The following CNTNAP3B variants were observed in gnomAD, a reference collection of about 807,000 sequenced individuals.
CNTNAP3B encodes contactin-associated protein-like 3B.
In CNTNAP3B, 25 loss-of-function variants were observed where a neutral mutation model predicts 108.9. The ratio of observed to expected loss-of-function variants is 0.23; its 90% CI spans 0.17 to 0.32. The LOEUF is 0.32. Among genes scored for constraint, CNTNAP3B ranks in the 10% least tolerant of loss-of-function variants. The pLI, the probability that CNTNAP3B is intolerant of heterozygous loss-of-function variation, is 1.00. For missense variants in CNTNAP3B, 252 were observed against 1,210.4 expected (o/e 0.21, Z 11.75); for synonymous variants, 103 against 473.4 (o/e 0.22, Z 10.16).
At chr9:41,940,070 C>A (rs1276750492) in intron 13 of CNTNAP3B, among the ~76,000 whole-genome samples, 5 of 152,290 alleles carry the variant, frequency 3.3e-5, no homozygotes, top group African/African-American at 9.6e-5. Flanking sequence ...CTTTATCTAA[C>A]CTGACCAAAA....
chr9:41,948,386 C>T (rs1370437489), intron 13 of CNTNAP3B, among the ~76,000 whole-genome samples: 1 of 152,238 alleles, frequency 6.6e-6, no homozygotes, highest in African/African-American at 2.4e-5. Flanking sequence ...CCTGCCGGGC[C>T]TTACTGGAGA....
chr9:41,948,081 G>GTTTT (rs1824577090), intron 13 of CNTNAP3B, among the ~76,000 whole-genome samples: 1 of 151,510 alleles, frequency 6.6e-6, no homozygotes, highest in Non-Finnish European at 1.5e-5. Context: ...AATTCTTTTT[G>GTTTT]TTTTGTTTTG....
At position 42,121,747 on chromosome 9, in the gene CNTNAP3B, C is replaced by T. The variant is rs550778765; in HGVS notation, c.85+7263G>A. On this transcript the variant is annotated intron_variant, in intron 1 of 23. Transcript: ENST00000377561. The stretch of plus-strand genomic sequence containing the variant: ...ATGTTTGCTTATCTATAGGTAAGAG[C>T]TCACTATTTCTTATATCATGTTATA... Among the ~76,000 whole-genome samples the T allele has an allele frequency of 8.6e-5, 12 of 139,958 alleles. 2 individuals are homozygous for T. The highest frequency in any genetic ancestry group is 3.1e-4 in the African/African-American group (11 of 35,506). 91.8% of individuals were successfully genotyped at this position (139,958 alleles called of 152,430 possible).
At chr9:42,066,928 TAAAGG>T in intron 3 of CNTNAP3B, among the ~76,000 whole-genome samples, 1 of 146,340 alleles carries the variant, frequency 6.8e-6, no homozygotes, top group Non-Finnish European at 1.5e-5. Context: ...TGCCACAAAA[TAAAGG>T]AAACTCCAAA....
At chr9:41,934,247 C>G (rs1445304022) in intron 14 of CNTNAP3B, among the ~76,000 whole-genome samples, 1 of 134,340 alleles carries the variant, frequency 7.4e-6, no homozygotes, top group Non-Finnish European at 1.5e-5. Context: ...GAGACAGAGT[C>G]TTGGTCTGTC....
chr9:42,035,271 T>TAG, intron 3 of CNTNAP3B, among the ~76,000 whole-genome samples: 1 of 142,608 alleles, frequency 7.0e-6, no homozygotes, highest in African/African-American at 2.7e-5. Flanking sequence ...TTTACCATTT[T>TAG]ACAGATTAGC....
chr9:42,127,620 A>G lies in CNTNAP3B; in HGVS notation c.85+1390T>C, dbSNP rs1828601743. 3.6e-5 allele frequency among the ~76,000 whole-genome samples: 5 copies of G among 140,072 alleles called. 1 individual carries two copies. In the South Asian group the frequency reaches 1.1e-3, roughly 32 times the overall value. The allele number at this position is 140,072 out of a possible 152,430, so 91.9% of individuals were successfully genotyped here. On this transcript the variant is annotated intron_variant, in intron 1 of 23. Coordinates refer to ENST00000377561, the MANE Select transcript of CNTNAP3B (RefSeq NM_001201380.3). ...ACGGCAGTTTCCATTACAAGACCCA[A>G]GGATTTTAATTTAAGTAACAACGTT...
At chr9:42,111,703 G>A (rs1301257340) in intron 1 of CNTNAP3B, among the ~76,000 whole-genome samples, 1 of 138,676 alleles carries the variant, frequency 7.2e-6, no homozygotes, top group African/African-American at 2.9e-5. Flanking sequence ...TAAGTACACT[G>A]TCCTGAGCCC....
chr9:41,995,730 C>CAAAAAA (rs1167589988), intron 7 of CNTNAP3B, among the ~76,000 whole-genome samples: 2 of 66,396 alleles, frequency 3.0e-5, no homozygotes, highest in African/African-American at 7.3e-5. Context: ...GACTCCGTCT[C>CAAAAAA]AAAAAAAAAA....
At chr9:41,935,651 A>C (rs1267254713) in intron 14 of CNTNAP3B, among the ~76,000 whole-genome samples, 1 of 152,282 alleles carries the variant, frequency 6.6e-6, no homozygotes, top group East Asian at 1.9e-4. Flanking sequence ...AACAATCTAC[A>C]AGAGTTGGGT....
At chr9:41,942,776 G>A (rs1335006995) in intron 13 of CNTNAP3B, among the ~76,000 whole-genome samples, 1 of 152,132 alleles carries the variant, frequency 6.6e-6, no homozygotes, top group Non-Finnish European at 1.5e-5. Context: ...GAGTCTCTGG[G>A]AAAACTCAAA....
chr9:41,948,044 C>A (rs1438129432), intron 13 of CNTNAP3B, among the ~76,000 whole-genome samples: 2 of 143,750 alleles, frequency 1.4e-5, no homozygotes, highest in Non-Finnish European at 1.5e-5. Flanking sequence ...GAAAAAAAAT[C>A]TCTTGGCCCA....
At chr9:42,017,194 A>G (rs1826233867) in intron 3 of CNTNAP3B, among the ~76,000 whole-genome samples, 1 of 139,134 alleles carries the variant, frequency 7.2e-6, no homozygotes, top group South Asian at 2.3e-4. Flanking sequence ...AATTTCCAAC[A>G]CTGTACTTTG....
At chr9:41,947,687 C>G (rs1480804877) in intron 13 of CNTNAP3B, among the ~76,000 whole-genome samples, 1 of 151,796 alleles carries the variant, frequency 6.6e-6, no homozygotes, top group Non-Finnish European at 1.5e-5. Flanking sequence ...AAGAGAAGAG[C>G]AGATTTCAAT....
At chr9:41,934,309 T>A (rs1351422500) in intron 14 of CNTNAP3B, among the ~76,000 whole-genome samples, 1 of 152,046 alleles carries the variant, frequency 6.6e-6, no homozygotes, top group Non-Finnish European at 1.5e-5. Flanking sequence ...AGCTCCGCCT[T>A]CCAGGTTCAT....
rs1452530469 is a variant in CNTNAP3B, at chr9:42,077,315, A to G, written c.197-253T>C. 1.5e-5 allele frequency among the ~76,000 whole-genome samples: 2 copies of G among 129,506 alleles called. 1 individual carries two copies. Among genetic ancestry groups the G allele is most frequent in the Non-Finnish European group, 3.2e-5 (2 of 61,992 alleles). 85.0% of individuals were successfully genotyped at this position (129,506 alleles called of 152,430 possible). A position where few individuals can be genotyped will look rare whatever the true frequency, so the allele number is the denominator to read the frequency against. ...AAATGTTTGTTTAATGCAGGTGGCCACTAGAGCATTCCTGTCAACTTTTGG... is the reference window on the plus strand; with the variant it reads ...AAATGTTTGTTTAATGCAGGTGGCCGCTAGAGCATTCCTGTCAACTTTTGG... On this transcript the variant is annotated intron_variant, in intron 2 of 23. Transcript: ENST00000377561.
chr9:42,060,172 C>A (rs866891526), intron 3 of CNTNAP3B, among the ~76,000 whole-genome samples: 66 of 138,446 alleles, frequency 4.8e-4, no homozygotes, highest in African/African-American at 1.8e-3. Flanking sequence ...TCATATGTGA[C>A]CCTTATTTTG....
chr9:42,110,140 A>T, intron 1 of CNTNAP3B, among the ~76,000 whole-genome samples: 1 of 101,656 alleles, frequency 9.8e-6, no homozygotes, highest in Non-Finnish European at 2.1e-5. Flanking sequence ...CACAAGGGCC[A>T]TAGGAAATGA....
chr9:41,918,035 G>C lies in CNTNAP3B; in HGVS notation c.2995+2035C>G, dbSNP rs1239713495. On this transcript the variant is annotated intron_variant, in intron 18 of 23. Coordinates refer to ENST00000377561, the MANE Select transcript of CNTNAP3B (RefSeq NM_001201380.3). ...GGACATTTTCTAAAGACTTTCAATA[G>C]TTGTTTTTTAAAATAATAATTTTTA... is the stretch of plus-strand genomic sequence containing the variant. Among the ~76,000 whole-genome samples, 28 of 152,392 alleles carry C rather than the reference G, an allele frequency of 1.8e-4. No individual in the cohort carries two copies. The East Asian group carries it at 4.6e-3, about 25-fold the overall frequency.
Sources: gnomAD v4.1 joint callset for allele counts (sites outside exome capture counted in the v4.1 genomes callset) on GRCh38, gnomAD v4.1.1 for gene constraint, MANE v1.5 for transcripts, NCBI Gene and HGNC (gene_info 2026-07-23, HGNC 2026-07-21) for gene names.